VPS13B: variants seen among roughly 807,000 people sequenced by gnomAD.
The protein encoded by VPS13B is intermembrane lipid transfer protein VPS13B.
In VPS13B, 285 loss-of-function variants were observed where a neutral mutation model predicts 426.4. The ratio of observed to expected loss-of-function variants is 0.67; its 90% CI spans 0.61 to 0.74. VPS13B has a LOEUF of 0.74. VPS13B is among the 30% of genes least tolerant of loss of function. VPS13B has a pLI of 0.00. For missense variants in VPS13B, 4,537 were observed against 4,782.6 expected, an observed-to-expected ratio of 0.95 and a Z score of 1.51; for synonymous variants, 1,676 against 1,676.4, an observed-to-expected ratio of 1.00 and a Z score of 0.01.
intron 33 of VPS13B, among the ~76,000 whole-genome samples, chr8:99,621,192 A>G (rs1428305062): frequency 6.6e-6 from 1 of 152,176 alleles, no homozygotes; most frequent in African/African-American, 2.4e-5. Context: ...AAGATTTAAC[A>G]GGAAACTTAG....
intron 34 of VPS13B, among the ~76,000 whole-genome samples, chr8:99,654,292 C>T (rs1295898948): frequency 2.6e-5 from 4 of 152,002 alleles, no homozygotes; most frequent in Non-Finnish European, 4.4e-5. Flanking sequence ...TTGTGATCCG[C>T]CCGCCTCGGC....
chr8:99,855,695 C>T (rs1017717259), intron 56 of VPS13B, among the ~76,000 whole-genome samples: 2 of 152,080 alleles, frequency 1.3e-5, no homozygotes, highest in African/African-American at 4.8e-5. Context: ...TGTGTTATTG[C>T]CATATTGGTC....
At chr8:99,394,748 C>G (rs1235363873) in intron 21 of VPS13B, among the ~76,000 whole-genome samples, 1 of 152,052 alleles carries the variant, frequency 6.6e-6, no homozygotes, top group South Asian at 2.1e-4. Context: ...GAGATATAAA[C>G]CATTTTATCT....
chr8:99,403,548 CAAA>C (rs200871879), intron 21 of VPS13B, among the ~76,000 whole-genome samples: 13 of 91,544 alleles, frequency 1.4e-4, no homozygotes, highest in African/African-American at 4.0e-4. Context: ...GACTCTGTCT[CAAA>C]AAAAAAAAAA....
intron 39 of VPS13B, among the ~76,000 whole-genome samples, chr8:99,763,163 A>AAAAAAAAAAAAAG (rs1563905521): frequency 9.5e-5 from 14 of 146,984 alleles, no homozygotes; most frequent in African/African-American, 3.3e-4. Context: ...AAAAAAAAAA[A>AAAAAAAAAAAAAG]AAGAAGAGAA....
chr8:99,649,010 C>G (rs1047300554), intron 34 of VPS13B, among the ~76,000 whole-genome samples: 2 of 151,754 alleles, frequency 1.3e-5, no homozygotes, highest in Admixed American at 6.6e-5. Context: ...TCTGGGTTGA[C>G]ATGTCTTCTA....
intron 17 of VPS13B, among the ~76,000 whole-genome samples, chr8:99,231,374 G>T (rs1190866106): frequency 6.6e-6 from 1 of 152,008 alleles, no homozygotes; most frequent in African/African-American, 2.4e-5. Context: ...CAGTCTGGTG[G>T]TATAACGGCT....
chr8:99,202,230 T>G (rs2132760899), intron 17 of VPS13B, among the ~76,000 whole-genome samples: 1 of 152,290 alleles, frequency 6.6e-6, no homozygotes, highest in Admixed American at 6.5e-5. Flanking sequence ...GAATAGATAT[T>G]GATGAGAAAA....
At chr8:99,694,907 C>G (rs998702179) in intron 35 of VPS13B, among the ~76,000 whole-genome samples, 1 of 152,030 alleles carries the variant, frequency 6.6e-6, no homozygotes, top group African/African-American at 2.4e-5. Flanking sequence ...AGACACTTCT[C>G]AAAAGAAGAC....
intron 17 of VPS13B, among the ~76,000 whole-genome samples, chr8:99,221,643 G>A (rs1815730222): frequency 6.6e-6 from 1 of 152,168 alleles, no homozygotes; most frequent in African/African-American, 2.4e-5. Flanking sequence ...TGTTCTCAGA[G>A]TTTTAAAACT....
At chr8:99,262,993 T>G (rs891914730) in intron 17 of VPS13B, among the ~76,000 whole-genome samples, 1 of 152,106 alleles carries the variant, frequency 6.6e-6, no homozygotes, top group Non-Finnish European at 1.5e-5. Context: ...CAGACTTGTC[T>G]CAAACTCCTG....
intron 19 of VPS13B, among the ~76,000 whole-genome samples, chr8:99,315,782 G>T (rs973840043): frequency 1.3e-5 from 2 of 152,012 alleles, no homozygotes; most frequent in African/African-American, 2.4e-5. Context: ...GACTACGGGC[G>T]CCTGCCACCG....
At chr8:99,618,301 AT>A (rs1441595362) in intron 33 of VPS13B, among the ~76,000 whole-genome samples, 2 of 149,038 alleles carry the variant, frequency 1.3e-5, no homozygotes, top group East Asian at 4.0e-4. Flanking sequence ...AAAAAAAAAA[AT>A]TCTGTCAATT....
intron 23 of VPS13B, among the ~76,000 whole-genome samples, chr8:99,466,688 A>T (rs1644318344): frequency 6.6e-6 from 1 of 152,200 alleles, no homozygotes; most frequent in South Asian, 2.1e-4. Context: ...TTATTTAAAA[A>T]TAACTCAAAT....
intron 19 of VPS13B, among the ~76,000 whole-genome samples, chr8:99,370,720 C>T (rs1295097631): frequency 1.3e-5 from 2 of 150,558 alleles, no homozygotes; most frequent in Non-Finnish European, 2.9e-5. Flanking sequence ...AGTGATACTC[C>T]TGCCTCAGCC....
In VPS13B at chr8:99,861,838, C is replaced by A; in HGVS notation, c.11107C>A (p.Leu3703Met). The A allele has an allele frequency of 6.2e-7, 1 of 1,600,444 alleles. No homozygotes were observed. The highest frequency in any genetic ancestry group is 1.3e-5 in the African/African-American group (1 of 74,912). Residue 3703 changes from leucine (L) to methionine (M), a missense_variant, in exon 58 of 62, where the codon CTG (leucine) becomes ATG (methionine). Around this residue, in one of 2 missense-constraint regions of VPS13B, gnomAD observed 4,311 missense variants for 4,474.3 expected, o/e 0.96. Transcript: ENST00000357162. Reference sequence around the variant, plus strand: ...GGCCCGGAACATGGACCGGCTCTCACTGGATGAGGAGCACTACAACCGGCA... The same window carrying A: ...GGCCCGGAACATGGACCGGCTCTCAATGGATGAGGAGCACTACAACCGGCA... ...SLARNMDRLS[L>M]DEEHYNRQEE...
Position 99,827,844 on chromosome 8 carries a change from A to G in VPS13B, c.9330+3866A>G, listed in dbSNP as rs189251797. Among the ~76,000 whole-genome samples the G allele has an allele frequency of 5.3e-5, 8 of 152,310 alleles. No individual in the cohort carries two copies. In the East Asian group the frequency reaches 9.6e-4, roughly 18 times the overall value. ...TCTGCCTTAATTTCATTAGTTACCCAGTAGTCATTCAGGAGCAGGTTGTTC... is the reference window on the plus strand; with the variant it reads ...TCTGCCTTAATTTCATTAGTTACCCGGTAGTCATTCAGGAGCAGGTTGTTC... On this transcript the variant is annotated intron_variant, in intron 51 of 61. Transcript: ENST00000357162.
Position 99,044,392 on chromosome 8 carries a change from C to G in VPS13B, c.291+5826C>G, listed in dbSNP as rs374654634. 2.2e-5 allele frequency among the ~76,000 whole-genome samples: 3 copies of G among 138,652 alleles called. No homozygotes were observed. The East Asian group carries it at 6.2e-4, about 29-fold the overall frequency. The allele number at this position is 138,652 out of a possible 152,430, so 91.0% of individuals were successfully genotyped here. ...GCCACCGCGCCCGGCCTCTTTTTTT[C>G]TTTTTTAAAATAAGTCAATGTTTGT... On this transcript the variant is annotated intron_variant, in intron 3 of 61. Transcript: ENST00000357162.
rs552869252 is a variant in VPS13B, at chr8:99,043,155, G to GT, written c.291+4597dup. On this transcript the variant is annotated intron_variant, in intron 3 of 61. Coordinates refer to ENST00000357162, the MANE Select transcript of VPS13B (RefSeq NM_152564.5). ...AGGACGAAGTTTTTTTTTGTTTTTT[G>GT]TTTTTTTTAATTTTGTTTACATTTA... is the stretch of plus-strand genomic sequence containing the variant. Among the ~76,000 whole-genome samples the GT allele has an allele frequency of 1.7e-3, 251 of 150,798 alleles. 2 individuals are homozygous for GT. Among genetic ancestry groups the GT allele is most frequent in the South Asian group, 0.015 (71 of 4,752 alleles).
Sources: gnomAD v4.1 joint callset for allele counts (sites outside exome capture counted in the v4.1 genomes callset) on GRCh38, gnomAD v4.1.1 for gene constraint, gnomAD v4.1.1 regional missense constraint, MANE v1.5 for transcripts, NCBI Gene and HGNC (gene_info 2026-07-23, HGNC 2026-07-21) for gene names.